The following IQCB1 variants were observed in gnomAD, a reference collection of about 807,000 sequenced individuals.
IQCB1 encodes the protein IQ motif containing B1.
A neutral mutation model predicts 84.4 loss-of-function variants in IQCB1; 56 were observed. That is an observed-to-expected ratio of 0.66 (90% CI 0.54 to 0.83). The LOEUF (loss-of-function observed/expected upper bound fraction) is 0.83, where lower values mean the gene tolerates loss of function less well. Among genes scored for constraint, IQCB1 ranks in the 40% least tolerant of loss-of-function variants. The pLI is 0.00. For missense variants in IQCB1, 629 were observed against 682.1 expected (o/e 0.92, Z 0.87); for synonymous variants, 210 against 234.8 (o/e 0.89, Z 0.96).
chr3:121,831,669 G>T (rs1211064846), intron 2 of IQCB1, among the ~76,000 whole-genome samples: 1 of 152,182 alleles, frequency 6.6e-6, no homozygotes, highest in African/African-American at 2.4e-5. Flanking sequence ...CTGCAGAATT[G>T]ATTGCTTGCT....
rs78915264 is a variant in IQCB1 at position 121,790,527 on chromosome 3, T to C, written c.987-312A>G. Among the ~76,000 whole-genome samples, 15,607 of 152,208 alleles carry C rather than the reference T, an allele frequency of 0.1. 847 individuals carry two copies. Among genetic ancestry groups the C allele is most frequent in the South Asian group, 0.15 (742 of 4,828 alleles). On this transcript the variant is annotated intron_variant, in intron 10 of 14. Transcript: ENST00000310864. Reference sequence around the variant, plus strand: ...AATCAGATATATATGTAAAAATTTATGTTCAAAAATGTTCTCCACAGTATT... The same window carrying C: ...AATCAGATATATATGTAAAAATTTACGTTCAAAAATGTTCTCCACAGTATT...
chr3:121,832,005 C>A (rs1950659798), intron 2 of IQCB1, among the ~76,000 whole-genome samples: 2 of 152,144 alleles, frequency 1.3e-5, no homozygotes. Context: ...TATGCTATTA[C>A]AAGCAACACT....
At position 121,807,455 on chromosome 3, in the gene IQCB1, G is replaced by GA. The variant is rs753164790; in HGVS notation, c.488-13dup. ...ATCACTTTGTAGTACTAAAGGAAAA[G>GA]AAAAAAAAAGAAAGATTAAAGTAAA... On this transcript the variant is annotated splice_polypyrimidine_tract_variant and intron_variant, in intron 6 of 14. Coordinates refer to ENST00000310864, the MANE Select transcript of IQCB1 (RefSeq NM_001023570.4). The GA allele has an allele frequency of 9.3e-4, 1,101 of 1,178,170 alleles. 1 individual carries two copies. The highest frequency in any genetic ancestry group is 1.4e-3 in the Middle Eastern group (7 of 4,898). The allele number at this position is 1,178,170 out of a possible 1,614,324, so 73.0% of individuals were successfully genotyped here.
chr3:121,787,966 C>T (rs1948804761), intron 12 of IQCB1, among the ~76,000 whole-genome samples: 1 of 152,078 alleles, frequency 6.6e-6, no homozygotes, highest in Admixed American at 6.5e-5. Context: ...ACATCAAGCA[C>T]ATGTGATGAG....
intron 6 of IQCB1, among the ~76,000 whole-genome samples, chr3:121,808,519 T>C (rs1949694704): frequency 1.3e-5 from 2 of 151,972 alleles, no homozygotes; most frequent in South Asian, 4.1e-4. Context: ...CTTACTTGGA[T>C]AGTTAGACTA....
intron 4 of IQCB1, among the ~76,000 whole-genome samples, chr3:121,826,546 C>T (rs1404494952): frequency 1.3e-5 from 2 of 152,156 alleles, no homozygotes; most frequent in Non-Finnish European, 2.9e-5. Flanking sequence ...TTAACTAATA[C>T]ATTTTAGACA....
intron 7 of IQCB1, among the ~76,000 whole-genome samples, chr3:121,804,885 G>A (rs1949547862): frequency 6.6e-6 from 1 of 152,106 alleles, no homozygotes; most frequent in Non-Finnish European, 1.5e-5. Context: ...TCACTGATAT[G>A]CTTTTCTTTC....
rs1174161542 is a variant in IQCB1, at chr3:121,790,207, C to T, written c.995G>A (p.Arg332Gln). Residue 332 changes from arginine (R) to glutamine (Q), a missense_variant, in exon 11 of 15, where the codon CGA becomes CAA. Coordinates refer to ENST00000310864, the MANE Select transcript of IQCB1 (RefSeq NM_001023570.4). ...IALQRSFRSK[R>Q]SKMLLEINRQ... ...ATTTATCTCCAGCAACATCTTTGAT[C>T]GTTTGGATCTGTGATGGAAACAGTG... 3 of 1,613,442 alleles carry T rather than the reference C, an allele frequency of 1.9e-6. No individual in the cohort carries two copies. The highest frequency in any genetic ancestry group is 1.1e-5 in the South Asian group (1 of 91,040).
At chr3:121,827,725 C>T (rs892225632) in intron 4 of IQCB1, among the ~76,000 whole-genome samples, 1 of 152,024 alleles carries the variant, frequency 6.6e-6, no homozygotes, top group African/African-American at 2.4e-5. Flanking sequence ...AATCTAGCAT[C>T]CAAGACAAAC....
intron 5 of IQCB1, among the ~76,000 whole-genome samples, chr3:121,811,891 C>T (rs141323635): frequency 5.6e-4 from 86 of 152,290 alleles, no homozygotes; most frequent in Middle Eastern, 3.4e-3. Flanking sequence ...AAGAGAGCGG[C>T]GCATCTCCCA....
intron 7 of IQCB1, among the ~76,000 whole-genome samples, chr3:121,799,902 A>C (rs1949340517): frequency 6.6e-6 from 1 of 151,908 alleles, no homozygotes; most frequent in Non-Finnish European, 1.5e-5. Context: ...TAAAACTTAG[A>C]AATAGTCAAA....
chr3:121,824,572 G>A (rs1950394669), intron 5 of IQCB1, among the ~76,000 whole-genome samples: 1 of 144,172 alleles, frequency 6.9e-6, no homozygotes, highest in East Asian at 2.1e-4. Flanking sequence ...TATTATCAGA[G>A]ATAAATATCA....
At chr3:121,774,683 G>C (rs1016969393) in intron 13 of IQCB1, among the ~76,000 whole-genome samples, 36 of 152,298 alleles carry the variant, frequency 2.4e-4, no homozygotes, top group Middle Eastern at 3.4e-3. Flanking sequence ...GAGGTACTTA[G>C]AGTAGGCAAA....
At chr3:121,826,989 A>AAAAATCT (rs370958643) in intron 4 of IQCB1, among the ~76,000 whole-genome samples, 35 of 152,278 alleles carry the variant, frequency 2.3e-4, no homozygotes, top group African/African-American at 8.4e-4. Flanking sequence ...TGAGCATGTT[A>AAAAATCT]AAAATCTAAG....
chr3:121,824,931 A>G (rs1279983066), intron 5 of IQCB1, among the ~76,000 whole-genome samples: 1 of 152,216 alleles, frequency 6.6e-6, no homozygotes, highest in Non-Finnish European at 1.5e-5. Flanking sequence ...TTGGGTATAC[A>G]AGTAGTCCTA....
chr3:121,785,361 T>C (rs929890979), intron 12 of IQCB1, among the ~76,000 whole-genome samples: 1 of 152,008 alleles, frequency 6.6e-6, no homozygotes, highest in Non-Finnish European at 1.5e-5. Flanking sequence ...CAGGTGATTT[T>C]CCCCCACTTC....
intron 9 of IQCB1, among the ~76,000 whole-genome samples, chr3:121,796,359 G>A (rs965680860): frequency 7.9e-5 from 12 of 151,886 alleles, no homozygotes; most frequent in African/African-American, 2.7e-4. Flanking sequence ...GATATACAAT[G>A]TCCCCTTTTC....
intron 10 of IQCB1, among the ~76,000 whole-genome samples, chr3:121,791,030 T>C (rs906310575): frequency 7.2e-5 from 11 of 152,182 alleles, no homozygotes; most frequent in Admixed American, 2.6e-4. Flanking sequence ...TTGCTTCCAA[T>C]ATCACTATGT....
chr3:121,781,095 A>G (rs1482438309), intron 13 of IQCB1, among the ~76,000 whole-genome samples: 1 of 152,254 alleles, frequency 6.6e-6, no homozygotes, highest in Non-Finnish European at 1.5e-5. Context: ...AGTAGAGGTA[A>G]TCAGCAAAGG....
Sources: gnomAD v4.1 joint callset for allele counts (sites outside exome capture counted in the v4.1 genomes callset) on GRCh38, gnomAD v4.1.1 for gene constraint, MANE v1.5 for transcripts, NCBI Gene and HGNC (gene_info 2026-07-23, HGNC 2026-07-21) for gene names.